The following FMN1 variants were observed in gnomAD, a reference collection of about 807,000 sequenced individuals.
FMN1 encodes formin-1.
Under a neutral mutation model 132.4 loss-of-function variants are expected in FMN1, and 110 were observed. That is an observed-to-expected ratio of 0.83 (90% CI 0.71 to 0.97). The LOEUF is 0.97. Ranked by LOEUF, FMN1 falls within the 50% of genes least tolerant of loss-of-function variation. The pLI, the probability that FMN1 is intolerant of heterozygous loss-of-function variation, is 0.00. For synonymous variants in FMN1, 722 were observed against 651.7 expected, an observed-to-expected ratio of 1.11 and a Z score of -1.64; for missense variants, 1,792 against 1,705.3, an observed-to-expected ratio of 1.05 and a Z score of -0.90.
intron 6 of FMN1, among the ~76,000 whole-genome samples, chr15:33,036,817 G>A (rs571407165): frequency 8.7e-4 from 132 of 152,260 alleles, no homozygotes; most frequent in Non-Finnish European, 1.6e-3. Context: ...TATCATCAAC[G>A]AAACATGAAA....
chr15:33,114,479 CCTGT>C lies in FMN1; in HGVS notation c.1868-25509_1868-25506del, dbSNP rs939455311. ...ATGTGTGGCCAGTGGATTCCGGAAG[CCTGT>C]CTGTCACATCTGTTCCGTTTCAGAA... is the stretch of plus-strand genomic sequence containing the variant. On this transcript the variant is annotated intron_variant, in intron 4 of 20. Coordinates refer to ENST00000616417, the MANE Select transcript of FMN1 (RefSeq NM_001277313.2). Among the ~76,000 whole-genome samples, 23 of 152,330 alleles carry C rather than the reference CCTGT, an allele frequency of 1.5e-4. 1 individual carries two copies. The highest frequency in any genetic ancestry group is 3.9e-4 in the East Asian group (2 of 5,174).
intron 5 of FMN1, chr15:33,067,172 T>TG: frequency 6.2e-7 from 1 of 1,613,858 alleles, no homozygotes. Context: ...TTGGGACCCT[T>TG]CTTCTCCCAC....
At position 32,957,791 on chromosome 15, in the gene FMN1, G is replaced by A. The variant is rs150637651; in HGVS notation, c.3138+6316C>T. On this transcript the variant is annotated intron_variant, in intron 9 of 20. Coordinates refer to ENST00000616417, the MANE Select transcript of FMN1 (RefSeq NM_001277313.2). ...TTAAGGGGGTGTTATTCCCAATTTC[G>A]TAGAGAAGAAATCAGTGTGAGAAGG... is the stretch of plus-strand genomic sequence containing the variant. Among the ~76,000 whole-genome samples the A allele has an allele frequency of 1.2e-3, 190 of 152,138 alleles. 1 individual carries two copies. Among genetic ancestry groups the A allele is most frequent in the African/African-American group, 4.2e-3 (176 of 41,510 alleles).
At chr15:32,982,389 T>C (rs1417477253) in intron 7 of FMN1, among the ~76,000 whole-genome samples, 1 of 152,212 alleles carries the variant, frequency 6.6e-6, no homozygotes, top group African/African-American at 2.4e-5. Flanking sequence ...ACACTTTCCA[T>C]ATCAACTATC....
rs562105264 is a variant in FMN1 at position 33,030,944 on chromosome 15, G to T, written c.2162-22869C>A. On this transcript the variant is annotated intron_variant, in intron 6 of 20. Coordinates refer to ENST00000616417, the MANE Select transcript of FMN1 (RefSeq NM_001277313.2). ...CCCATGAACCGGTCATCTACATTGGGTATTTCTCCTAATGCTGTCCCTCCC... is the reference window on the plus strand; with the variant it reads ...CCCATGAACCGGTCATCTACATTGGTTATTTCTCCTAATGCTGTCCCTCCC... Among the ~76,000 whole-genome samples, 3 of 152,062 alleles carry T rather than the reference G, an allele frequency of 2.0e-5. No homozygotes were observed. The South Asian group carries it at 6.2e-4, about 32-fold the overall frequency.
chr15:32,939,501 C>T (rs1008167359), intron 9 of FMN1, among the ~76,000 whole-genome samples: 1 of 151,916 alleles, frequency 6.6e-6, no homozygotes, highest in Non-Finnish European at 1.5e-5. Flanking sequence ...TTTCTGAATG[C>T]TTTTTTAGAA....
At chr15:32,977,724 A>G (rs1297537317) in intron 7 of FMN1, among the ~76,000 whole-genome samples, 2 of 152,202 alleles carry the variant, frequency 1.3e-5, no homozygotes. Flanking sequence ...GCTTCATAAG[A>G]GCTTAAAGCA....
intron 2 of FMN1, among the ~76,000 whole-genome samples, chr15:33,182,918 C>T (rs971665695): frequency 3.9e-5 from 6 of 152,160 alleles, no homozygotes; most frequent in Non-Finnish European, 8.8e-5. Flanking sequence ...CATTTAATTT[C>T]CCCATTGTTA....
chr15:33,149,580 T>C (rs1964363319), intron 4 of FMN1, among the ~76,000 whole-genome samples: 1 of 152,210 alleles, frequency 6.6e-6, no homozygotes, highest in Admixed American at 6.5e-5. Flanking sequence ...AGAGTTTTAA[T>C]TGGGATCCTA....
chr15:32,897,491 A>G (rs988602732), intron 15 of FMN1, among the ~76,000 whole-genome samples: 7 of 152,232 alleles, frequency 4.6e-5, no homozygotes, highest in Admixed American at 4.6e-4. Context: ...AGATACTTTC[A>G]GTGAGGGAGA....
At chr15:32,810,202 C>A (rs1247490850) in intron 17 of FMN1, among the ~76,000 whole-genome samples, 5 of 152,224 alleles carry the variant, frequency 3.3e-5, no homozygotes, top group African/African-American at 9.7e-5. Context: ...CAGGCGTGAG[C>A]CACCGTGCCC....
At chr15:32,847,175 G>A (rs886251610) in intron 17 of FMN1, among the ~76,000 whole-genome samples, 2 of 152,142 alleles carry the variant, frequency 1.3e-5, no homozygotes, top group African/African-American at 4.8e-5. Flanking sequence ...ACATGGTTGA[G>A]GGCCTACTCA....
intron 17 of FMN1, among the ~76,000 whole-genome samples, chr15:32,842,787 CT>C (rs5811710): frequency 0.16 from 22,387 of 139,804 alleles, 1,749 homozygotes; most frequent in East Asian, 0.3. Flanking sequence ...GGAACCTCAG[CT>C]TTTTTTTTTT....
intron 17 of FMN1, among the ~76,000 whole-genome samples, chr15:32,850,843 G>A (rs1467763253): frequency 6.6e-6 from 1 of 151,840 alleles, no homozygotes; most frequent in African/African-American, 2.4e-5. Flanking sequence ...TTAGGTTTGG[G>A]GGTACATGTG....
At chr15:33,026,657 G>A (rs764078869) in intron 6 of FMN1, among the ~76,000 whole-genome samples, 11 of 152,154 alleles carry the variant, frequency 7.2e-5, no homozygotes, top group Non-Finnish European at 1.3e-4. Context: ...CTTAGCTTGT[G>A]CTTTGACTCA....
chr15:32,830,831 C>A (rs528718594), intron 17 of FMN1, among the ~76,000 whole-genome samples: 1 of 152,082 alleles, frequency 6.6e-6, no homozygotes, highest in Non-Finnish European at 1.5e-5. Context: ...GTAGGAGCAG[C>A]GAGGGCCCTG....
At chr15:32,819,956 G>A (rs181758380) in intron 17 of FMN1, among the ~76,000 whole-genome samples, 14 of 152,310 alleles carry the variant, frequency 9.2e-5, no homozygotes, top group Admixed American at 8.5e-4. Flanking sequence ...TGCCTTTGAT[G>A]TATTTTTAAG....
intron 7 of FMN1, among the ~76,000 whole-genome samples, chr15:33,005,634 T>A (rs953514693): frequency 1.3e-5 from 2 of 149,750 alleles, no homozygotes. Flanking sequence ...CATCTTCTGT[T>A]ACCAAGAATA....
chr15:33,048,522 T>C (rs935607304), intron 6 of FMN1, among the ~76,000 whole-genome samples: 1 of 151,148 alleles, frequency 6.6e-6, no homozygotes, highest in Non-Finnish European at 1.5e-5. Context: ...CATTATATCA[T>C]GTAATTGAGA....
Sources: allele counts gnomAD v4.1 joint callset (sites outside exome capture counted in the v4.1 genomes callset), GRCh38; gene constraint gnomAD v4.1.1; transcripts MANE v1.5; gene names NCBI Gene and HGNC (gene_info 2026-07-23, HGNC 2026-07-21).